Variants in SND1 observed in about 807,000 individuals in gnomAD.
The protein encoded by SND1 is staphylococcal nuclease and tudor domain containing 1, also known as staphylococcal nuclease domain-containing protein 1.
A neutral mutation model predicts 121.7 loss-of-function variants in SND1; 38 were observed. The observed-to-expected ratio is 0.31, with a 90% CI of 0.24 to 0.41. SND1 has a LOEUF of 0.41. Among genes scored for constraint, SND1 ranks in the 10% least tolerant of loss-of-function variants. The pLI, the probability that SND1 is intolerant of heterozygous loss-of-function variation, is 1.00. For missense variants in SND1, 868 were observed against 1,184.6 expected (o/e 0.73, Z 3.92); for synonymous variants, 401 against 447.4 (o/e 0.90, Z 1.31).
At chr7:127,858,248 A>G (rs1799318587) in intron 12 of SND1, 1 of 772,576 alleles carries the variant, frequency 1.3e-6, no homozygotes, top group South Asian at 1.5e-5. Context: ...CTGGGCCACC[A>G]TCTGGTCGGC....
intron 11 of SND1, among the ~76,000 whole-genome samples, chr7:127,814,911 T>G (rs1798403302): frequency 6.6e-6 from 1 of 152,230 alleles, no homozygotes; most frequent in Non-Finnish European, 1.5e-5. Flanking sequence ...AGGCTACATC[T>G]TCATAATTTG....
At chr7:127,886,052 G>C (rs1465634990) in intron 12 of SND1, among the ~76,000 whole-genome samples, 1 of 151,988 alleles carries the variant, frequency 6.6e-6, no homozygotes, top group Non-Finnish European at 1.5e-5. Flanking sequence ...CCTTCTCCAT[G>C]CTGCCAAACA....
At chr7:127,831,475 G>A (rs925220594) in intron 11 of SND1, among the ~76,000 whole-genome samples, 1 of 152,166 alleles carries the variant, frequency 6.6e-6, no homozygotes, top group Non-Finnish European at 1.5e-5. Flanking sequence ...GTGGTGGCAG[G>A]ATCATTATCA....
chr7:128,056,727 C>A (rs1281417199), intron 16 of SND1, among the ~76,000 whole-genome samples: 1 of 152,134 alleles, frequency 6.6e-6, no homozygotes, highest in Non-Finnish European at 1.5e-5. Flanking sequence ...ATTCCAGGAC[C>A]CTCAGTGGAT....
At position 127,692,195 on chromosome 7, in the gene SND1, A is replaced by G. The variant is rs536499140; in HGVS notation, c.229-2633A>G. Among the ~76,000 whole-genome samples, 9 of 152,316 alleles carry G rather than the reference A, an allele frequency of 5.9e-5. No homozygotes were observed. In the East Asian group the frequency reaches 1.2e-3, roughly 20 times the overall value. Reference sequence around the variant, plus strand: ...CTTGTCCTGGTAGTTTTAAGAGTCTATCTGGTCAAAGAGAAGATTAGAATT... The same window carrying G: ...CTTGTCCTGGTAGTTTTAAGAGTCTGTCTGGTCAAAGAGAAGATTAGAATT... On this transcript the variant is annotated intron_variant, in intron 2 of 23. Coordinates refer to ENST00000354725, the MANE Select transcript of SND1 (RefSeq NM_014390.4).
At position 127,751,774 on chromosome 7, in the gene SND1, C is replaced by T. The variant is rs149644452; in HGVS notation, c.1152+30374C>T. ...CAAGACAGTTGTTGTGAACAAATGA[C>T]CCTATTGCATTCCCTGGTTACTCAG... On this transcript the variant is annotated intron_variant, in intron 10 of 23. Coordinates refer to ENST00000354725, the MANE Select transcript of SND1 (RefSeq NM_014390.4). Among the ~76,000 whole-genome samples the T allele has an allele frequency of 6.7e-4, 102 of 152,330 alleles. 1 individual carries two copies. In the South Asian group the frequency reaches 0.018, roughly 27 times the overall value.
At chr7:128,030,303 T>C (rs1792544135) in intron 16 of SND1, 1 of 1,614,162 alleles carries the variant, frequency 6.2e-7, no homozygotes, top group Non-Finnish European at 8.5e-7. Context: ...CACCTCAATC[T>C]GCCGGATGGA....
intron 13 of SND1, among the ~76,000 whole-genome samples, chr7:127,890,496 G>A (rs916739251): frequency 6.6e-6 from 1 of 152,030 alleles, no homozygotes; most frequent in Non-Finnish European, 1.5e-5. Flanking sequence ...ATGGTAACTT[G>A]AAGAACAGGT....
chr7:127,800,393 T>C (rs762975346), intron 10 of SND1, among the ~76,000 whole-genome samples: 12 of 152,224 alleles, frequency 7.9e-5, no homozygotes, highest in Non-Finnish European at 4.4e-5. Flanking sequence ...TTGACCCTGT[T>C]TATAGAACTT....
intron 1 of SND1, 87 bp downstream of exon 1, chr7:127,652,538 T>A (rs1328753798): frequency 1.8e-6 from 2 of 1,118,466 alleles, no homozygotes; most frequent in Non-Finnish European, 2.6e-6. Context: ...GCCTGCTCCA[T>A]GTCCCAGATC....
At chr7:128,038,260 G>A (rs1286101247) in intron 16 of SND1, among the ~76,000 whole-genome samples, 1 of 152,210 alleles carries the variant, frequency 6.6e-6, no homozygotes, top group Non-Finnish European at 1.5e-5. Context: ...GAGCACATGC[G>A]TGTCTGTGTA....
intron 10 of SND1, among the ~76,000 whole-genome samples, chr7:127,761,893 A>G (rs1797312168): frequency 6.6e-6 from 1 of 152,230 alleles, no homozygotes; most frequent in South Asian, 2.1e-4. Flanking sequence ...TCAAAAAACT[A>G]CTGGCTGTTT....
At chr7:127,733,017 G>C (rs898798136) in intron 10 of SND1, among the ~76,000 whole-genome samples, 1 of 152,102 alleles carries the variant, frequency 6.6e-6, no homozygotes, top group Non-Finnish European at 1.5e-5. Context: ...TCAGGCTTTA[G>C]ACAGCTGTGG....
intron 12 of SND1, among the ~76,000 whole-genome samples, chr7:127,884,531 C>T (rs577626416): frequency 6.6e-6 from 1 of 152,242 alleles, no homozygotes; most frequent in Admixed American, 6.5e-5. Context: ...CATAGGGTTC[C>T]TCTGACGGAC....
chr7:127,868,871 A>C (rs963117329), intron 12 of SND1, among the ~76,000 whole-genome samples: 1 of 151,754 alleles, frequency 6.6e-6, no homozygotes. Flanking sequence ...TTTTTCCTCC[A>C]TCTCTAGTCA....
At chr7:128,022,469 G>A (rs1331634594) in intron 16 of SND1, among the ~76,000 whole-genome samples, 2 of 152,196 alleles carry the variant, frequency 1.3e-5, no homozygotes, top group African/African-American at 4.8e-5. Flanking sequence ...AGTGGGCAAA[G>A]ATCATGCCAT....
In SND1 at chr7:128,030,765, C is replaced by A. The variant is rs1164532202; in HGVS notation, c.1779+39709C>A. ...TCTGGAGAAGGAGGTGGGGAGGGGG[C>A]GATTAGAGAGACGGAGCGGATCGGC... On this transcript the variant is annotated intron_variant, in intron 16 of 23. Coordinates refer to ENST00000354725, the MANE Select transcript of SND1 (RefSeq NM_014390.4). The A allele has an allele frequency of 6.4e-6, 8 of 1,242,820 alleles. No individual in the cohort carries two copies. In the East Asian group the frequency reaches 2.0e-4, roughly 32 times the overall value. The allele number at this position is 1,242,820 out of a possible 1,614,324, so 77.0% of individuals were successfully genotyped here.
intron 16 of SND1, among the ~76,000 whole-genome samples, chr7:128,074,130 G>T (rs1435833439): frequency 6.6e-6 from 1 of 152,190 alleles, no homozygotes; most frequent in Middle Eastern, 3.2e-3. Flanking sequence ...CTAAGGACCT[G>T]CCTGTCTTCT....
intron 9 of SND1, 32 bp downstream of exon 9, chr7:127,707,679 G>T (rs11972774): frequency 1.1e-5 from 17 of 1,541,728 alleles, no homozygotes; most frequent in Admixed American, 1.7e-5. Flanking sequence ...GATATGCATA[G>T]TGGACATTGC....
Sources: allele counts gnomAD v4.1 joint callset (sites outside exome capture counted in the v4.1 genomes callset), GRCh38; gene constraint gnomAD v4.1.1; transcripts MANE v1.5; gene names NCBI Gene and HGNC (gene_info 2026-07-23, HGNC 2026-07-21).